PAPPA2: variants seen among roughly 807,000 people sequenced by gnomAD.
PAPPA2 encodes the protein pappalysin-2.
A neutral mutation model predicts 176.4 loss-of-function variants in PAPPA2; 86 were observed. That is an observed-to-expected ratio of 0.49 (90% confidence interval 0.41 to 0.58). The LOEUF is 0.58. Ranked by LOEUF, PAPPA2 falls within the 20% of genes least tolerant of loss-of-function variation. The pLI is 0.00. For synonymous variants in PAPPA2, 809 were observed against 852.2 expected, an observed-to-expected ratio of 0.95 and a Z score of 0.88; for missense variants, 2,073 against 2,256.9, an observed-to-expected ratio of 0.92 and a Z score of 1.65.
At chr1:176,547,137 T>G (rs1650680063) in intron 1 of PAPPA2, among the ~76,000 whole-genome samples, 2 of 152,230 alleles carry the variant, frequency 1.3e-5, no homozygotes, top group Non-Finnish European at 2.9e-5. Context: ...ATCCTTTGGA[T>G]AATCTGTGTG....
At chr1:176,758,704 A>C (rs1273474541) in intron 14 of PAPPA2, among the ~76,000 whole-genome samples, 1 of 152,216 alleles carries the variant, frequency 6.6e-6, no homozygotes, top group Non-Finnish European at 1.5e-5. Flanking sequence ...TCTTGGATAA[A>C]TGAATTGCAA....
chr1:176,476,530 T>A (rs1370696069), intron 1 of PAPPA2, among the ~76,000 whole-genome samples: 1 of 152,196 alleles, frequency 6.6e-6, no homozygotes, highest in Admixed American at 6.5e-5. Context: ...GTGGGCCAGG[T>A]CAGTAGCAGG....
At chr1:176,779,512 A>T (rs1241569386) in intron 17 of PAPPA2, among the ~76,000 whole-genome samples, 1 of 120,160 alleles carries the variant, frequency 8.3e-6, no homozygotes, top group African/African-American at 2.6e-5. Flanking sequence ...ACACACACAC[A>T]CACACACAGA....
chr1:176,497,603 CA>C (rs1218079034), intron 1 of PAPPA2, among the ~76,000 whole-genome samples: 6 of 151,526 alleles, frequency 4.0e-5, no homozygotes, highest in South Asian at 2.1e-4. Context: ...AGTTTTCACA[CA>C]AAAAAAAGGT....
chr1:176,641,656 A>C (rs969481315), intron 3 of PAPPA2, among the ~76,000 whole-genome samples: 6 of 151,838 alleles, frequency 4.0e-5, no homozygotes, highest in Non-Finnish European at 7.4e-5. Flanking sequence ...GGGTTTACTT[A>C]GTATAGGAGG....
intron 21 of PAPPA2, among the ~76,000 whole-genome samples, chr1:176,833,852 G>GTATA (rs71747080): frequency 1.2e-3 from 182 of 148,944 alleles, no homozygotes; most frequent in African/African-American, 4.2e-3. Context: ...GTCTGTGTGT[G>GTATA]TATATATATA....
intron 3 of PAPPA2, among the ~76,000 whole-genome samples, chr1:176,653,112 A>G (rs569742186): frequency 6.6e-6 from 1 of 151,840 alleles, no homozygotes; most frequent in East Asian, 2.0e-4. Flanking sequence ...AAAGGTGAGC[A>G]TGGAAGTATA....
intron 2 of PAPPA2, among the ~76,000 whole-genome samples, chr1:176,575,305 A>G (rs1179817959): frequency 1.3e-5 from 2 of 152,178 alleles, no homozygotes; most frequent in African/African-American, 4.8e-5. Flanking sequence ...CAGTGGGCAA[A>G]TATTTATCTA....
At chr1:176,494,251 C>T (rs1647473628) in intron 1 of PAPPA2, among the ~76,000 whole-genome samples, 1 of 152,130 alleles carries the variant, frequency 6.6e-6, no homozygotes, top group Non-Finnish European at 1.5e-5. Flanking sequence ...ATCAAATCTA[C>T]AGCAGACAAT....
At chr1:176,837,677 A>G (rs1195804070) in intron 21 of PAPPA2, among the ~76,000 whole-genome samples, 2 of 152,192 alleles carry the variant, frequency 1.3e-5, no homozygotes, top group Non-Finnish European at 2.9e-5. Context: ...TCACCTATGT[A>G]CACATTGTGC....
chr1:176,836,339 A>G (rs2102989185), intron 21 of PAPPA2, among the ~76,000 whole-genome samples: 1 of 152,332 alleles, frequency 6.6e-6, no homozygotes, highest in East Asian at 1.9e-4. Context: ...ACTCATCAAG[A>G]TAATAAAATA....
chr1:176,464,943 G>A (rs1209036117), intron 1 of PAPPA2, among the ~76,000 whole-genome samples: 1 of 152,164 alleles, frequency 6.6e-6, no homozygotes, highest in Non-Finnish European at 1.5e-5. Flanking sequence ...TGCTGGATAG[G>A]TGTTTTCACT....
At chr1:176,670,030 G>T (rs1033755934) in intron 3 of PAPPA2, among the ~76,000 whole-genome samples, 3 of 152,138 alleles carry the variant, frequency 2.0e-5, no homozygotes, top group African/African-American at 7.2e-5. Context: ...GCAGACCACG[G>T]CCACTGTGGG....
intron 3 of PAPPA2, among the ~76,000 whole-genome samples, chr1:176,623,523 G>C (rs1008355654): frequency 6.6e-6 from 1 of 151,946 alleles, no homozygotes; most frequent in African/African-American, 2.4e-5. Context: ...ACTGTCCCTA[G>C]TGAAGACATC....
At chr1:176,765,004 A>C (rs1191895345) in intron 14 of PAPPA2, among the ~76,000 whole-genome samples, 1 of 152,210 alleles carries the variant, frequency 6.6e-6, no homozygotes, top group Non-Finnish European at 1.5e-5. Flanking sequence ...AGCATCTAGC[A>C]TAAGTTAGGC....
intron 3 of PAPPA2, among the ~76,000 whole-genome samples, chr1:176,636,932 T>C (rs1656731019): frequency 6.6e-6 from 1 of 152,078 alleles, no homozygotes; most frequent in Non-Finnish European, 1.5e-5. Flanking sequence ...TCTGAAACAA[T>C]GTAAAATATG....
intron 3 of PAPPA2, among the ~76,000 whole-genome samples, chr1:176,661,041 C>A (rs1197754569): frequency 6.6e-6 from 1 of 152,034 alleles, no homozygotes; most frequent in Non-Finnish European, 1.5e-5. Flanking sequence ...CTTATGAATA[C>A]CTCTTATGAT....
chr1:176,565,743 G>A lies in PAPPA2; in HGVS notation c.919+8502G>A, dbSNP rs146390646. On this transcript the variant is annotated intron_variant, in intron 2 of 22. Transcript: ENST00000367662. ...CGACATCACTGGTGAGTATGGTTTG[G>A]CCACTGTTAGCATCTGAGAATACTT... 1.1e-3 allele frequency among the ~76,000 whole-genome samples: 169 copies of A among 152,246 alleles called. 1 individual carries two copies. Among genetic ancestry groups the A allele is most frequent in the African/African-American group, 3.9e-3 (164 of 41,546 alleles).
At chr1:176,769,900 A>T (rs1212907137) in intron 16 of PAPPA2, 116 bp downstream of exon 16, 35 of 1,146,988 alleles carry the variant, frequency 3.1e-5, no homozygotes, top group Non-Finnish European at 3.3e-5. Context: ...CCACTGTGTC[A>T]CCATCTTCTG....
Sources: allele counts gnomAD v4.1 joint callset (sites outside exome capture counted in the v4.1 genomes callset), GRCh38; gene constraint gnomAD v4.1.1; transcripts MANE v1.5; gene names NCBI Gene and HGNC (gene_info 2026-07-23, HGNC 2026-07-21).